Variants in SNRPN observed in about 807,000 individuals in gnomAD.
SNRPN encodes small nuclear ribonucleoprotein polypeptide N, also known as small nuclear ribonucleoprotein-associated protein N.
A neutral mutation model predicts 25.2 loss-of-function variants in SNRPN; 7 were observed. That is an observed-to-expected ratio of 0.28 (90% CI 0.16 to 0.52). The LOEUF (loss-of-function observed/expected upper bound fraction) is 0.52, where lower values mean the gene tolerates loss of function less well. Among genes scored for constraint, SNRPN ranks in the 20% least tolerant of loss-of-function variants. The pLI is 0.96. For missense variants in SNRPN, 196 were observed against 322.5 expected, an observed-to-expected ratio of 0.61 and a Z score of 3.00; for synonymous variants, 124 against 110.6, an observed-to-expected ratio of 1.12 and a Z score of -0.76.
chr15:24,943,135 C>T (rs1459045089), intron 3 of SNRPN, among the ~76,000 whole-genome samples: 2 of 151,958 alleles, frequency 1.3e-5, no homozygotes, highest in Admixed American at 1.3e-4. Flanking sequence ...TTCCACATTA[C>T]TGACCAGCCA....
intron 2 of SNRPN, chr15:24,909,188 A>T: frequency 6.8e-7 from 1 of 1,462,730 alleles, no homozygotes; most frequent in Non-Finnish European, 9.5e-7. Context: ...ATCTTCTTCC[A>T]TTAAGTAGCA....
intron 2 of SNRPN, chr15:24,848,267 C>CG (rs1251319736): frequency 2.1e-4 from 9 of 41,884 alleles, no homozygotes; most frequent in Admixed American, 5.4e-4. Context: ...GGGGCGGGGG[C>CG]GGGGGCAGAT....
At chr15:24,869,656 T>C (rs2054899789) in intron 1 of SNRPN, among the ~76,000 whole-genome samples, 1 of 152,204 alleles carries the variant, frequency 6.6e-6, no homozygotes, top group Non-Finnish European at 1.5e-5. Context: ...TGTAACCACA[T>C]CATATCACGG....
chr15:24,891,602 T>A (rs1269514585), intron 2 of SNRPN, among the ~76,000 whole-genome samples: 2 of 152,146 alleles, frequency 1.3e-5, no homozygotes, highest in Non-Finnish European at 2.9e-5. Flanking sequence ...CATGTCCAGC[T>A]AATTTTTGTA....
At position 24,967,992 on chromosome 15, in the gene SNRPN, T is replaced by C; in HGVS notation, c.-234T>C. 6.2e-7 allele frequency: 1 copy of C among 1,614,138 alleles called. No individual in the cohort carries two copies. The highest frequency in any genetic ancestry group is 8.5e-7 in the Non-Finnish European group (1 of 1,180,028). ...AAGTACCTGTGGTGGATTTCCAGGC[T>C]GAACTGAGGCAGGCATTCTTAGCTG... On this transcript the variant is annotated 5_prime_UTR_variant, in exon 3 of 10. Coordinates refer to ENST00000390687, the MANE Select transcript of SNRPN (RefSeq NM_003097.6).
intron 2 of SNRPN, among the ~76,000 whole-genome samples, chr15:24,834,751 C>CTCTCTCTCTCTATATATATATATGTATA: frequency 1.3e-4 from 8 of 60,956 alleles, no homozygotes; most frequent in African/African-American, 4.7e-4. Context: ...CTCTCTCTCT[C>CTCTCTCTCTCTATATATATATATGTATA]TATATATATA....
chr15:24,855,219 A>G (rs2053277956), upstream of SNRPN, among the ~76,000 whole-genome samples: 1 of 152,220 alleles, frequency 6.6e-6, no homozygotes, highest in Middle Eastern at 3.2e-3. Flanking sequence ...TGCAATTACT[A>G]TTTATGTCAG....
chr15:24,958,486 GTTTTTTTT>G (rs71127030), intron 1 of SNRPN, among the ~76,000 whole-genome samples: 1,812 of 65,310 alleles, frequency 0.028, 86 homozygotes, highest in African/African-American at 0.091. Flanking sequence ...CTGGCTCAAA[GTTTTTTTT>G]TTTTTTTTTT....
chr15:24,965,105 A>G (rs2153534038), intron 2 of SNRPN, among the ~76,000 whole-genome samples: 1 of 152,206 alleles, frequency 6.6e-6, no homozygotes, highest in East Asian at 1.9e-4. Flanking sequence ...TGTGTTTAGG[A>G]TTCTCAGGAT....
At chr15:24,974,870 A>G in intron 4 of SNRPN, 1 of 701,148 alleles carries the variant, frequency 1.4e-6, no homozygotes, top group Non-Finnish European at 2.6e-6. Context: ...GGCCATGAGA[A>G]ATGTTTCATG....
chr15:24,857,192 C>A lies in SNRPN; in HGVS notation c.-579+476C>A, dbSNP rs185625823. On this transcript the variant is annotated intron_variant, in intron 1 of 11. Coordinates refer to the SNRPN transcript ENST00000400097. ...ATTAATTTGTGTAGACAGAACATTG[C>A]GACTCCCATTCTAAATGTAGAGACA... Among the ~76,000 whole-genome samples the A allele has an allele frequency of 1.9e-3, 282 of 148,974 alleles. 5 individuals are homozygous for A. Among genetic ancestry groups the A allele is most frequent in the Non-Finnish European group, 2.3e-3 (152 of 67,372 alleles).
chr15:24,968,712 A>T (rs1023743598), intron 3 of SNRPN: 5 of 152,154 alleles, frequency 3.3e-5, no homozygotes, highest in Admixed American at 3.3e-4. Flanking sequence ...ATACTTTCTC[A>T]TGCTTATTTA....
At position 24,918,596 on chromosome 15, in the gene SNRPN, GTATATATATAACATAATATATA is replaced by G. The variant is rs1566909419; in HGVS notation, c.-504-1413_-504-1392del. ...TGTATATATATAACATAATATATAT[GTATATATATAACATAATATATA>G]TGTGTGTATATATAACATAATATAT... On this transcript the variant is annotated intron_variant, in intron 2 of 11. Transcript: ENST00000400097. Among the ~76,000 whole-genome samples the G allele has an allele frequency of 1.4e-3, 119 of 85,786 alleles. 2 individuals are homozygous for G. The highest frequency in any genetic ancestry group is 3.4e-3 in the South Asian group (8 of 2,370). The allele number at this position is 85,786 out of a possible 152,430, so 56.3% of individuals were successfully genotyped here. A position where few individuals can be genotyped will look rare whatever the true frequency, so the allele number is the denominator to read the frequency against.
chr15:24,963,617 GA>G (rs796727910), intron 2 of SNRPN, among the ~76,000 whole-genome samples: 145 of 131,330 alleles, frequency 1.1e-3, no homozygotes, highest in Admixed American at 1.2e-3. Context: ...TCCATCTCAG[GA>G]AAAAAAAAAA....
chr15:24,854,370 C>T (rs548115249), upstream of SNRPN, among the ~76,000 whole-genome samples: 8 of 152,254 alleles, frequency 5.3e-5, no homozygotes, highest in South Asian at 2.1e-4. Flanking sequence ...AAAGGGCCAC[C>T]TTTATATGTG....
At chr15:24,848,231 T>TGGC (rs1566821386) in intron 2 of SNRPN, 2 of 95,434 alleles carry the variant, frequency 2.1e-5, no homozygotes, top group Non-Finnish European at 4.0e-5. Context: ...GGGGCGGCGG[T>TGGC]GGGGGCGGGG....
chr15:24,975,968 T>G (rs879575956), intron 5 of SNRPN, among the ~76,000 whole-genome samples: 3 of 152,218 alleles, frequency 2.0e-5, no homozygotes, highest in Admixed American at 6.5e-5. Flanking sequence ...GATTTAATTA[T>G]TTAAGTAATT....
upstream of SNRPN, among the ~76,000 whole-genome samples, chr15:24,953,903 G>A (rs1199645273): frequency 6.6e-6 from 1 of 152,156 alleles, no homozygotes; most frequent in Admixed American, 6.5e-5. Context: ...GCATTGATAA[G>A]CCTCTGCGCA....
intron 1 of SNRPN, among the ~76,000 whole-genome samples, chr15:24,824,712 A>C (rs923669679): frequency 6.6e-6 from 1 of 152,066 alleles, no homozygotes; most frequent in Non-Finnish European, 1.5e-5. Flanking sequence ...TACGTGCTCC[A>C]TTAATGTCCA....
Sources: allele counts gnomAD v4.1 joint callset (sites outside exome capture counted in the v4.1 genomes callset), GRCh38; gene constraint gnomAD v4.1.1; transcripts MANE v1.5; gene names NCBI Gene and HGNC (gene_info 2026-07-23, HGNC 2026-07-21).